SAMD15: variants seen among roughly 807,000 people sequenced by gnomAD.
The protein encoded by SAMD15 is sterile alpha motif domain-containing protein 15.
In SAMD15, 37 loss-of-function variants were observed where a neutral mutation model predicts 50.5. The observed-to-expected ratio is 0.73, with a 90% CI of 0.56 to 0.96. The LOEUF (loss-of-function observed/expected upper bound fraction) is 0.96. Ranked by LOEUF, SAMD15 falls within the 40% of genes least tolerant of loss-of-function variation. SAMD15 has a pLI of 0.00. For missense variants in SAMD15, 789 were observed against 783.8 expected, an observed-to-expected ratio of 1.01 and a Z score of -0.08; for synonymous variants, 255 against 282.8, an observed-to-expected ratio of 0.90 and a Z score of 0.99.
rs1056381195 is a variant in SAMD15 at position 77,392,021 on chromosome 14, T to A, written c.*777T>A. Among the ~76,000 whole-genome samples the A allele has an allele frequency of 6.6e-6, 1 of 151,938 alleles. No homozygotes were observed. Among genetic ancestry groups the A allele is most frequent in the Non-Finnish European group, 1.5e-5 (1 of 67,992 alleles). ...GTGAGCTGAGATGGTGCCACTGGAC[T>A]CCAGCCTGGGTGACAGAGTGAGACT... On this transcript the variant is annotated 3_prime_UTR_variant, in exon 3 of 3. Transcript: ENST00000216471.
At position 77,377,511 on chromosome 14, in the gene SAMD15, G is replaced by C; in HGVS notation, c.93G>C (p.Leu31Phe). 6.2e-7 allele frequency: 1 copy of C among 1,614,156 alleles called. No individual in the cohort carries two copies. ...ERPELPGLHK[L>F]YENAEPDTMA... is the part of the protein sequence containing the mutation. ...CTGAACTGCCTGGACTTCATAAATTGTATGAAAATGCCGAACCAGACACCA... is the reference window on the plus strand; with the variant it reads ...CTGAACTGCCTGGACTTCATAAATTCTATGAAAATGCCGAACCAGACACCA... Residue 31 changes from leucine (L) to phenylalanine (F), a missense_variant, in exon 1 of 3, where the codon TTG (leucine) becomes TTC (phenylalanine). By Grantham distance (22) the Leu-to-Phe change is conservative (BLOSUM62 0). This residue lies in a region of SAMD15 where 770 missense variants were observed against 745.4 expected (regional missense o/e 1.03). Coordinates refer to ENST00000216471, the MANE Select transcript of SAMD15 (RefSeq NM_001010860.4).
In SAMD15 at chr14:77,391,067, C is replaced by T. The variant is rs551937879; in HGVS notation, c.1848C>T (p.Ser616=). The T allele has an allele frequency of 6.8e-6, 11 of 1,614,074 alleles. No individual in the cohort carries two copies. In the African/African-American group the frequency reaches 1.5e-4, roughly 22 times the overall value. ...TTGAAGAGCCATTATTCAAACGCTCCATCAGCCTTCCCTATAGGGATATTA... is the reference window on the plus strand; with the variant it reads ...TTGAAGAGCCATTATTCAAACGCTCTATCAGCCTTCCCTATAGGGATATTA... ...LEIEEPLFKR[S]ISLPYRDIIG... Residue 616 remains serine, a synonymous_variant, in exon 3 of 3, where the codon TCC becomes TCT. Transcript: ENST00000216471.
rs1346177119 is a variant in SAMD15, at chr14:77,377,874, G to C, written c.456G>C (p.Glu152Asp). The change falls in exon 1 of 3, where the codon GAG becomes GAC. Residue 152 changes from glutamate to aspartate, a missense_variant. Glu to Asp is a conservative substitution (Grantham distance 45, BLOSUM62 2). Coordinates refer to ENST00000216471, the MANE Select transcript of SAMD15 (RefSeq NM_001010860.4). ...ATGTTACAGAGGATGTGTTCCTAGA[G>C]TCAGCTATGGAAACAGATCCAGATC... is the stretch of plus-strand genomic sequence containing the variant. ...KPNVTEDVFL[E>D]SAMETDPDPV... is the part of the protein sequence containing the mutation. 1 of 1,614,110 alleles carries C rather than the reference G, an allele frequency of 6.2e-7. No individual in the cohort carries two copies. Among genetic ancestry groups the C allele is most frequent in the South Asian group, 1.1e-5 (1 of 91,072 alleles).
At chr14:77,385,346 C>T (rs150498704) in intron 2 of SAMD15, among the ~76,000 whole-genome samples, 1 of 151,458 alleles carries the variant, frequency 6.6e-6, no homozygotes, top group East Asian at 2.0e-4. Flanking sequence ...AGTGCAATGG[C>T]GCGATCTCGG....
At position 77,378,807 on chromosome 14, in the gene SAMD15, ATC is replaced by A. The variant is rs1566699764; in HGVS notation, c.1394_1395del (p.Leu465GlnfsTer4). On this transcript the variant is annotated frameshift_variant, in exon 1 of 3. Transcript: ENST00000216471. LOFTEE classifies it high-confidence loss of function. Reference protein sequence around the residue: ...KFRKEYYALGSLRESEESIGT... With the variant: ...KFRKEYYALGXLRESEESIGT... The stretch of plus-strand genomic sequence containing the variant: ...TTAGAAAAGAATATTACGCATTAGG[ATC>A]TCTCAGAGAAAGTGAAGAATCAATT... 1.2e-6 allele frequency: 2 copies of A among 1,613,226 alleles called. No homozygotes were observed.
At chr14:77,382,126 T>G (rs1462809338) in intron 2 of SAMD15, among the ~76,000 whole-genome samples, 4 of 150,692 alleles carry the variant, frequency 2.7e-5, no homozygotes, top group South Asian at 4.2e-4. Context: ...GTTGTTTTTT[T>G]GGGGTTTTTT....
rs1192802709 is a variant in SAMD15, at chr14:77,378,640, G to C, written c.1222G>C (p.Asp408His). The change falls in exon 1 of 3, where the codon GAT (aspartate) becomes CAT (histidine). Residue 408 changes from aspartate to histidine, a missense_variant. Asp to His is a moderately conservative substitution (Grantham distance 81, BLOSUM62 -1). This residue lies in a region of SAMD15 where 770 missense variants were observed against 745.4 expected (regional missense o/e 1.03). Coordinates refer to ENST00000216471, the MANE Select transcript of SAMD15 (RefSeq NM_001010860.4). ...KPTEKILELP[D>H]ETKPRETHVE... is the part of the protein sequence containing the mutation. ...AACTGAGAAAATTCTAGAGTTACCA[G>C]ATGAAACCAAACCAAGGGAGACACA... 3 of 1,614,004 alleles carry C rather than the reference G, an allele frequency of 1.9e-6. No individual in the cohort carries two copies. Among genetic ancestry groups the C allele is most frequent in the Non-Finnish European group, 2.5e-6 (3 of 1,180,038 alleles).
At chr14:77,390,618 A>G (rs1894061166) in intron 2 of SAMD15, among the ~76,000 whole-genome samples, 1 of 152,126 alleles carries the variant, frequency 6.6e-6, no homozygotes, top group Non-Finnish European at 1.5e-5. Context: ...GGCAGGGTGC[A>G]GTGGCTCACG....
At chr14:77,387,912 A>G (rs1344600350) in intron 2 of SAMD15, among the ~76,000 whole-genome samples, 2 of 152,104 alleles carry the variant, frequency 1.3e-5, no homozygotes, top group African/African-American at 4.8e-5. Flanking sequence ...GTATGTTGTC[A>G]TGCATCTGTT....
At chr14:77,389,028 A>G (rs1490862730) in intron 2 of SAMD15, among the ~76,000 whole-genome samples, 2 of 152,068 alleles carry the variant, frequency 1.3e-5, no homozygotes, top group Non-Finnish European at 2.9e-5. Flanking sequence ...ATAGTACACT[A>G]TAATTGTGCT....
rs769830012 is a variant in SAMD15 at position 77,377,663 on chromosome 14, C to T, written c.245C>T (p.Thr82Met). 2.5e-6 allele frequency: 4 copies of T among 1,614,060 alleles called. No individual in the cohort carries two copies. Among genetic ancestry groups the T allele is most frequent in the Admixed American group, 3.3e-5 (2 of 59,992 alleles). The change falls in exon 1 of 3, where the codon ACG becomes ATG. Residue 82 changes from threonine (T) to methionine (M), a missense_variant. Physicochemically the swap from Thr to Met is moderately conservative, Grantham distance 81. Coordinates refer to ENST00000216471, the MANE Select transcript of SAMD15 (RefSeq NM_001010860.4). ...AKNVQLKPGG[T>M]SQEGIAKESK... Reference sequence around the variant, plus strand: ...AACGTGCAGCTGAAACCTGGCGGGACGTCCCAGGAAGGAATTGCCAAGGAG... The same window carrying T: ...AACGTGCAGCTGAAACCTGGCGGGATGTCCCAGGAAGGAATTGCCAAGGAG...
rs536125407 is a variant in SAMD15, at chr14:77,385,054, G to A, written c.1788+4573G>A. On this transcript the variant is annotated intron_variant, in intron 2 of 2. Transcript: ENST00000216471. ...AAAAATTAGCCGGGCCTGGTTGTGC[G>A]CACCTGTAATCCCAGCTACTAGGGA... 1.1e-3 allele frequency among the ~76,000 whole-genome samples: 161 copies of A among 151,782 alleles called. 1 individual carries two copies. Among genetic ancestry groups the A allele is most frequent in the Non-Finnish European group, 1.7e-3 (113 of 67,900 alleles).
intron 1 of SAMD15, among the ~76,000 whole-genome samples, chr14:77,380,142 G>A (rs1893924785): frequency 6.6e-6 from 1 of 152,324 alleles, no homozygotes; most frequent in Middle Eastern, 3.4e-3. Context: ...AGCTACTCAG[G>A]AGGCTGGGGC....
At chr14:77,383,481 A>G (rs1893968950) in intron 2 of SAMD15, among the ~76,000 whole-genome samples, 1 of 152,262 alleles carries the variant, frequency 6.6e-6, no homozygotes, top group Non-Finnish European at 1.5e-5. Context: ...ATCTTCTGAA[A>G]TCCTCAAGAG....
At position 77,378,007 on chromosome 14, in the gene SAMD15, C is replaced by T. The variant is rs1323913213; in HGVS notation, c.589C>T (p.Leu197Phe). Residue 197 changes from leucine (L) to phenylalanine (F), a missense_variant, in exon 1 of 3, where the codon CTT becomes TTT. Leu to Phe is a conservative substitution (Grantham distance 22). Coordinates refer to ENST00000216471, the MANE Select transcript of SAMD15 (RefSeq NM_001010860.4). ...ETEPGVPEESLRVQHEETGLE... is the reference protein window; with the variant it reads ...ETEPGVPEESFRVQHEETGLE... ...TGAACCGGGGGTTCCAGAGGAATCA[C>T]TTAGAGTGCAACATGAAGAGACAGG... The T allele has an allele frequency of 5.0e-6, 8 of 1,613,904 alleles. No individual in the cohort carries two copies. The South Asian group carries it at 8.8e-5, about 18-fold the overall frequency.
In SAMD15 at chr14:77,391,344, A is replaced by AT. The variant is rs1253621549; in HGVS notation, c.*107dup. The AT allele has an allele frequency of 5.1e-5, 32 of 631,292 alleles. No homozygotes were observed. In the East Asian group the frequency reaches 8.6e-4, roughly 17 times the overall value. 39.1% of individuals were successfully genotyped at this position (631,292 alleles called of 1,614,324 possible). Reference sequence around the variant, plus strand: ...TCTTTTTCTCCTTTTTTTTTTTTTTATTTTTTTGAGACAGAGTCTTGCTCT... The same window carrying AT: ...TCTTTTTCTCCTTTTTTTTTTTTTTATTTTTTTTGAGACAGAGTCTTGCTCT... On this transcript the variant is annotated 3_prime_UTR_variant, in exon 3 of 3. Transcript: ENST00000216471.
chr14:77,388,736 G>A (rs1243852957), intron 2 of SAMD15, among the ~76,000 whole-genome samples: 1 of 152,054 alleles, frequency 6.6e-6, no homozygotes, highest in African/African-American at 2.4e-5. Context: ...AACCTCCCGA[G>A]TAGCTGGGAC....
chr14:77,384,800 T>C (rs1893985628), intron 2 of SAMD15, among the ~76,000 whole-genome samples: 1 of 152,194 alleles, frequency 6.6e-6, no homozygotes, highest in Non-Finnish European at 1.5e-5. Context: ...AACAGAAAGA[T>C]CTAGGAAATA....
intron 1 of SAMD15, among the ~76,000 whole-genome samples, chr14:77,379,921 CTT>C (rs912569327): frequency 2.4e-4 from 36 of 152,278 alleles, no homozygotes; most frequent in Admixed American, 1.0e-3. Context: ...GTGTAAACCT[CTT>C]GTTTCACTGA....
Sources: allele counts gnomAD v4.1 joint callset (sites outside exome capture counted in the v4.1 genomes callset), GRCh38; gene constraint gnomAD v4.1.1; regional missense constraint gnomAD v4.1.1; transcripts MANE v1.5; gene names NCBI Gene and HGNC (gene_info 2026-07-23, HGNC 2026-07-21).